The following SENP1 variants were observed in gnomAD, a reference collection of about 807,000 sequenced individuals.
SENP1 encodes sentrin-specific protease 1.
In SENP1, 21 loss-of-function variants were observed where a neutral mutation model predicts 93.0. That is an observed-to-expected ratio of 0.23 (90% CI 0.16 to 0.33). The LOEUF (loss-of-function observed/expected upper bound fraction) is 0.33, where lower values mean the gene tolerates loss of function less well. Among genes scored for constraint, SENP1 ranks in the 10% least tolerant of loss-of-function variants. The pLI, the probability that SENP1 is intolerant of heterozygous loss-of-function variation, is 1.00. For missense variants in SENP1, 591 were observed against 758.7 expected (o/e 0.78, Z 2.60); for synonymous variants, 256 against 259.6 (o/e 0.99, Z 0.13).
At chr12:48,055,653 C>T (rs796897618) in intron 13 of SENP1, 35 of 151,854 alleles carry the variant, frequency 2.3e-4, no homozygotes, top group African/African-American at 6.0e-4. Flanking sequence ...GTGACTAATC[C>T]AACCGGAGAT....
Position 48,102,760 on chromosome 12 carries a change from C to A in SENP1, c.-44-1244G>T, listed in dbSNP as rs80263694. Reference sequence around the variant, plus strand: ...AAAGTTTTCTTGGCGTACGAGACCACGCCACTGGCCACTGCACTCCAGCCT... The same window carrying A: ...AAAGTTTTCTTGGCGTACGAGACCAAGCCACTGGCCACTGCACTCCAGCCT... On this transcript the variant is annotated intron_variant, in intron 1 of 17. Coordinates refer to ENST00000549518, the MANE Select transcript of SENP1 (RefSeq NM_001267594.2). Among the ~76,000 whole-genome samples, 693 of 148,434 alleles carry A rather than the reference C, an allele frequency of 4.7e-3. 7 individuals are homozygous for A. The highest frequency in any genetic ancestry group is 0.016 in the African/African-American group (623 of 40,148).
chr12:48,064,542 C>G (rs745544525), intron 12 of SENP1, among the ~76,000 whole-genome samples: 10 of 152,170 alleles, frequency 6.6e-5, no homozygotes, highest in African/African-American at 9.7e-5. Context: ...TGCTTCTTCA[C>G]TGAAACTGTT....
At chr12:48,089,257 C>T in intron 4 of SENP1, 1 of 1,412,530 alleles carries the variant, frequency 7.1e-7, no homozygotes, top group Non-Finnish European at 9.4e-7. Flanking sequence ...CAACATTTTA[C>T]CCCAACTATA....
At chr12:48,080,462 A>T (rs1353471004) in intron 6 of SENP1, 3 of 152,336 alleles carry the variant, frequency 2.0e-5, no homozygotes, top group Non-Finnish European at 4.4e-5. Flanking sequence ...CAGTGGTGAC[A>T]TCATCTTAAT....
At chr12:48,082,242 CAAAT>C in intron 6 of SENP1, among the ~76,000 whole-genome samples, 1 of 152,278 alleles carries the variant, frequency 6.6e-6, no homozygotes, top group South Asian at 2.1e-4. Context: ...AACCATATCA[CAAAT>C]AATCAAGTTT....
rs1371450971 is a variant in SENP1 at position 48,044,473 on chromosome 12, C to T, written c.*849G>A. 2 of 151,532 alleles carry T rather than the reference C, an allele frequency of 1.3e-5. No individual in the cohort carries two copies. Among genetic ancestry groups the T allele is most frequent in the Non-Finnish European group, 1.5e-5 (1 of 67,946 alleles). The allele number at this position is 151,532 out of a possible 1,614,324, so 9.4% of individuals were successfully genotyped here. Reference sequence around the variant, plus strand: ...CCAAACTAGATCTGCATTCATCCAGCGCTGGAATTTTATGCTAAATACTAA... The same window carrying T: ...CCAAACTAGATCTGCATTCATCCAGTGCTGGAATTTTATGCTAAATACTAA... On this transcript the variant is annotated 3_prime_UTR_variant, in exon 18 of 18. Transcript: ENST00000549518.
At chr12:48,050,643 A>G (rs989526146) in intron 13 of SENP1, among the ~76,000 whole-genome samples, 7 of 152,232 alleles carry the variant, frequency 4.6e-5, no homozygotes, top group South Asian at 4.1e-4. Flanking sequence ...TTTCTTAACT[A>G]TAAGTTTTCA....
intron 2 of SENP1, chr12:48,099,229 A>C (rs1945760786): frequency 6.6e-6 from 1 of 152,094 alleles, no homozygotes; most frequent in African/African-American, 2.4e-5. Flanking sequence ...CAGGAGGCCG[A>C]CCTGGAAGGA....
intron 2 of SENP1, 113 bp from the exon 3 acceptor site, chr12:48,098,237 T>C (rs1945693539): frequency 1.8e-6 from 2 of 1,089,696 alleles, no homozygotes; most frequent in Admixed American, 2.5e-5. Context: ...TGGTGTCTCA[T>C]GCCTGTAATC....
chr12:48,058,020 AC>A (rs1942690806), intron 13 of SENP1, among the ~76,000 whole-genome samples: 2 of 130,586 alleles, frequency 1.5e-5, no homozygotes, highest in African/African-American at 6.0e-5. Context: ...GATCTCAGTC[AC>A]TGTAACCTCC....
intron 5 of SENP1, among the ~76,000 whole-genome samples, chr12:48,084,858 G>A (rs901294068): frequency 3.3e-5 from 5 of 152,172 alleles, no homozygotes; most frequent in East Asian, 1.9e-4. Flanking sequence ...TCAGACTAGA[G>A]AAACACAGCT....
chr12:48,054,499 T>A (rs1942072251), intron 13 of SENP1, among the ~76,000 whole-genome samples: 1 of 152,158 alleles, frequency 6.6e-6, no homozygotes, highest in Non-Finnish European at 1.5e-5. Flanking sequence ...ACATTTAAAA[T>A]GGTTCCTTGG....
intron 6 of SENP1, among the ~76,000 whole-genome samples, chr12:48,076,474 G>A (rs192755922): frequency 7.9e-5 from 12 of 152,008 alleles, no homozygotes; most frequent in African/African-American, 1.9e-4. Flanking sequence ...ACAGGTGCAC[G>A]CCACCACACA....
Position 48,049,019 on chromosome 12 carries a change from C to G in SENP1, c.1521G>C (p.Gln507His). 6.2e-7 allele frequency: 1 copy of G among 1,613,760 alleles called. No individual in the cohort carries two copies. Among genetic ancestry groups the G allele is most frequent in the Non-Finnish European group, 8.5e-7 (1 of 1,179,742 alleles). Residue 507 changes from glutamine to histidine, a missense_variant, in exon 14 of 18, where the codon CAG becomes CAC. By Grantham distance (24) the Gln-to-His change is conservative. Transcript: ENST00000549518. ...CTTTCTTTGTCCAACGTTTCACTGCCTGATAACCAGCCGTTTTTAATTTAG... is the reference window on the plus strand; with the variant it reads ...CTTTCTTTGTCCAACGTTTCACTGCGTGATAACCAGCCGTTTTTAATTTAG... ...FFTKLKTAGYQAVKRWTKKVD... is the reference protein window; with the variant it reads ...FFTKLKTAGYHAVKRWTKKVD...
chr12:48,074,087 T>C (rs1592378458), intron 8 of SENP1, among the ~76,000 whole-genome samples: 1 of 152,216 alleles, frequency 6.6e-6, no homozygotes, highest in Non-Finnish European at 1.5e-5. Context: ...ATTTGCATTA[T>C]ACAATTTGAG....
At chr12:48,091,905 T>G (rs1239863028) in intron 4 of SENP1, among the ~76,000 whole-genome samples, 1 of 152,176 alleles carries the variant, frequency 6.6e-6, no homozygotes, top group African/African-American at 2.4e-5. Flanking sequence ...GGTCTCAAAC[T>G]CTTGGGCTCA....
chr12:48,071,747 T>C, intron 8 of SENP1, 26 bp from the exon 9 acceptor site: 1 of 1,518,772 alleles, frequency 6.6e-7, no homozygotes, highest in East Asian at 2.3e-5. Flanking sequence ...AGCATTTCAT[T>C]AGTAATAAAA....
chr12:48,105,489 T>C (rs748399669), intron 1 of SENP1: 5 of 519,032 alleles, frequency 9.6e-6, no homozygotes, highest in Middle Eastern at 3.2e-4. Flanking sequence ...TTCTTTCTGA[T>C]GGTGGCACTA....
intron 13 of SENP1, among the ~76,000 whole-genome samples, chr12:48,049,368 A>G (rs1941616343): frequency 6.6e-6 from 1 of 152,210 alleles, no homozygotes; most frequent in Non-Finnish European, 1.5e-5. Flanking sequence ...TTGGGAGTAC[A>G]AATGGGCAGA....
Sources: gnomAD v4.1 joint callset for allele counts (sites outside exome capture counted in the v4.1 genomes callset) on GRCh38, gnomAD v4.1.1 for gene constraint, MANE v1.5 for transcripts, NCBI Gene and HGNC (gene_info 2026-07-23, HGNC 2026-07-21) for gene names.